TRPC4: variants seen among roughly 807,000 people sequenced by gnomAD.
TRPC4 encodes transient receptor potential cation channel subfamily C member 4, also known as short transient receptor potential channel 4.
A neutral mutation model predicts 99.4 loss-of-function variants in TRPC4; 49 were observed. That is an observed-to-expected ratio of 0.49 (90% CI 0.39 to 0.63). The LOEUF is 0.63. TRPC4 is among the 20% of genes least tolerant of loss of function. The pLI is 0.00. For missense variants in TRPC4, 898 were observed against 1,152.9 expected (o/e 0.78, Z 3.20); for synonymous variants, 454 against 425.9 (o/e 1.07, Z -0.81).
chr13:37,782,837 G>A (rs1956873512), intron 2 of TRPC4, 119 bp downstream of exon 2: 4 of 1,006,620 alleles, frequency 4.0e-6, no homozygotes, highest in Non-Finnish European at 5.4e-6. Flanking sequence ...AGATTTTGAA[G>A]CTTATATTTC....
chr13:37,711,308 G>A (rs1213449853), intron 3 of TRPC4, among the ~76,000 whole-genome samples: 1 of 151,896 alleles, frequency 6.6e-6, no homozygotes, highest in African/African-American at 2.4e-5. Flanking sequence ...ATTTCAAACA[G>A]AACTTCTCTG....
chr13:37,760,243 T>C (rs1956187898), intron 2 of TRPC4, among the ~76,000 whole-genome samples: 1 of 151,910 alleles, frequency 6.6e-6, no homozygotes, highest in South Asian at 2.1e-4. Flanking sequence ...TACTGTGCAC[T>C]ACACTTCAGT....
intron 1 of TRPC4, among the ~76,000 whole-genome samples, chr13:37,860,148 G>A (rs1189934516): frequency 2.6e-5 from 4 of 151,242 alleles, no homozygotes; most frequent in African/African-American, 9.7e-5. Flanking sequence ...AGTACTTATT[G>A]CATAAATTAA....
At chr13:37,831,923 T>C (rs1002243355) in intron 1 of TRPC4, among the ~76,000 whole-genome samples, 1 of 152,092 alleles carries the variant, frequency 6.6e-6, no homozygotes, top group Non-Finnish European at 1.5e-5. Context: ...ACCTAAAGGA[T>C]TCAAGGTTTC....
chr13:37,824,008 C>G (rs1404972578), intron 1 of TRPC4, among the ~76,000 whole-genome samples: 1 of 137,680 alleles, frequency 7.3e-6, no homozygotes, highest in Non-Finnish European at 1.6e-5. Flanking sequence ...AGTTGGATTC[C>G]TAGGTATTTT....
intron 3 of TRPC4, among the ~76,000 whole-genome samples, chr13:37,735,207 A>G (rs933711190): frequency 6.6e-6 from 1 of 152,122 alleles, no homozygotes; most frequent in Admixed American, 6.6e-5. Context: ...CAGGGTGAGG[A>G]ATAAGTAAAA....
chr13:37,806,578 A>G (rs768041805), intron 1 of TRPC4, among the ~76,000 whole-genome samples: 1 of 152,072 alleles, frequency 6.6e-6, no homozygotes, highest in South Asian at 2.1e-4. Context: ...GTAGAACTCA[A>G]ATAATCACTA....
intron 1 of TRPC4, among the ~76,000 whole-genome samples, chr13:37,835,932 C>T (rs1216113601): frequency 6.6e-6 from 1 of 152,000 alleles, no homozygotes; most frequent in African/African-American, 2.4e-5. Flanking sequence ...TGGCTCTGCC[C>T]CCACACAAAT....
intron 5 of TRPC4, among the ~76,000 whole-genome samples, chr13:37,664,955 A>G (rs1482749257): frequency 1.3e-5 from 2 of 152,222 alleles, no homozygotes; most frequent in Non-Finnish European, 2.9e-5. Context: ...TCAAGTTTGA[A>G]CTAGAAGAAA....
intron 4 of TRPC4, among the ~76,000 whole-genome samples, chr13:37,680,117 C>A (rs1366566647): frequency 6.6e-6 from 1 of 152,088 alleles, no homozygotes; most frequent in African/African-American, 2.4e-5. Context: ...TTTTCTTATT[C>A]CTGAGAGTTT....
chr13:37,708,716 C>CATATATAACTATATATGTATACAT, intron 3 of TRPC4, among the ~76,000 whole-genome samples: 1 of 148,068 alleles, frequency 6.8e-6, no homozygotes. Flanking sequence ...TTTATATATA[C>CATATATAACTATATATGTATACAT]ATATATAACT....
chr13:37,867,368 T>C (rs1171328351), intron 1 of TRPC4, among the ~76,000 whole-genome samples: 1 of 152,014 alleles, frequency 6.6e-6, no homozygotes, highest in Non-Finnish European at 1.5e-5. Context: ...ATAATGCTGA[T>C]CATCTGAATT....
intron 4 of TRPC4, among the ~76,000 whole-genome samples, chr13:37,683,863 T>C (rs1953351059): frequency 6.6e-6 from 1 of 152,192 alleles, no homozygotes; most frequent in African/African-American, 2.4e-5. Flanking sequence ...AGAAGATCTT[T>C]AAGCTTATAA....
At chr13:37,688,324 T>C (rs1490425943) in intron 4 of TRPC4, among the ~76,000 whole-genome samples, 1 of 152,166 alleles carries the variant, frequency 6.6e-6, no homozygotes, top group African/African-American at 2.4e-5. Flanking sequence ...ACAAGAAAGA[T>C]ACTGAAATAA....
chr13:37,731,595 T>G (rs1157274016), intron 3 of TRPC4, among the ~76,000 whole-genome samples: 2 of 152,118 alleles, frequency 1.3e-5, no homozygotes, highest in African/African-American at 4.8e-5. Context: ...CATTTGAACT[T>G]TAATCACACA....
At chr13:37,789,275 T>C (rs1446841110) in intron 1 of TRPC4, among the ~76,000 whole-genome samples, 3 of 152,198 alleles carry the variant, frequency 2.0e-5, no homozygotes, top group African/African-American at 7.2e-5. Flanking sequence ...CCTCTTATAC[T>C]GCTCTTTACA....
At chr13:37,700,411 G>T (rs1281686786) in intron 3 of TRPC4, among the ~76,000 whole-genome samples, 1 of 152,142 alleles carries the variant, frequency 6.6e-6, no homozygotes, top group Non-Finnish European at 1.5e-5. Context: ...GGAGTGGCAT[G>T]TTCAGAATGG....
chr13:37,862,598 T>C (rs1645723409), intron 1 of TRPC4, among the ~76,000 whole-genome samples: 1 of 151,636 alleles, frequency 6.6e-6, no homozygotes, highest in Admixed American at 6.6e-5. Flanking sequence ...ATAATTTATG[T>C]TATTTATTTA....
intron 1 of TRPC4, among the ~76,000 whole-genome samples, chr13:37,842,342 C>CTAAAA (rs1566215865): frequency 6.3e-5 from 3 of 47,854 alleles, no homozygotes; most frequent in Non-Finnish European, 1.0e-4. Flanking sequence ...TAGCGTCTAG[C>CTAAAA]CAAAAAAAAA....
Sources: gnomAD v4.1 joint callset for allele counts (sites outside exome capture counted in the v4.1 genomes callset) on GRCh38, gnomAD v4.1.1 for gene constraint, MANE v1.5 for transcripts, NCBI Gene and HGNC (gene_info 2026-07-23, HGNC 2026-07-21) for gene names.